Variants in SLC9A7 observed in about 807,000 individuals in gnomAD.
SLC9A7 encodes the protein sodium/hydrogen exchanger 7.
SLC9A7 carries 19 observed loss-of-function variants against 52.6 expected under a neutral mutation model. The ratio of observed to expected loss-of-function variants is 0.36; its 90% CI spans 0.25 to 0.53. SLC9A7 has a LOEUF of 0.53. SLC9A7 is among the 20% of genes least tolerant of loss of function. SLC9A7 has a pLI of 0.91. For synonymous variants in SLC9A7, 226 were observed against 252.1 expected (o/e 0.90, Z 0.98); for missense variants, 455 against 597.9 (o/e 0.76, Z 2.49).
intron 8 of SLC9A7, among the ~76,000 whole-genome samples, chrX:46,653,090 T>G (rs1943609691): frequency 8.9e-6 from 1 of 112,481 alleles, no homozygotes; most frequent in African/African-American, 3.2e-5. Flanking sequence ...TGATAAACTT[T>G]ATCATTAAAA....
At chrX:46,713,512 A>T (rs5952929) in intron 1 of SLC9A7, among the ~76,000 whole-genome samples, 6,027 of 105,599 alleles carry the variant, frequency 0.057, 419 homozygotes, top group African/African-American at 0.19. Flanking sequence ...AAAAAAAATT[A>T]AAAAAAAAAG....
chrX:46,656,603 A>G (rs1181270435), intron 7 of SLC9A7, among the ~76,000 whole-genome samples: 2 of 111,736 alleles, frequency 1.8e-5, no homozygotes, highest in East Asian at 5.6e-4. Flanking sequence ...GATGCGATCA[A>G]CTGGAAGAAA....
chrX:46,631,162 G>A (rs1463348458), intron 14 of SLC9A7, among the ~76,000 whole-genome samples: 1 of 112,575 alleles, frequency 8.9e-6, no homozygotes, highest in Admixed American at 9.3e-5. Flanking sequence ...GAGGATCCCA[G>A]GCCCTGGAGA....
intron 12 of SLC9A7, among the ~76,000 whole-genome samples, chrX:46,641,802 G>A (rs1380250118): frequency 8.9e-6 from 1 of 111,808 alleles, no homozygotes; most frequent in African/African-American, 3.3e-5. Flanking sequence ...TCCACTTAAA[G>A]CTCTGTGACC....
intron 5 of SLC9A7, among the ~76,000 whole-genome samples, chrX:46,668,723 A>G (rs373523426): frequency 1.2e-4 from 13 of 111,976 alleles, no homozygotes; most frequent in African/African-American, 4.2e-4. Flanking sequence ...ACAGAAAGTC[A>G]AAGGTAGCTG....
intron 3 of SLC9A7, among the ~76,000 whole-genome samples, chrX:46,674,330 T>C: frequency 8.9e-6 from 1 of 112,307 alleles, no homozygotes; most frequent in Non-Finnish European, 1.9e-5. Flanking sequence ...CTATTACCCA[T>C]CTCCCGTTCA....
At chrX:46,747,187 T>C (rs994956574) in intron 1 of SLC9A7, among the ~76,000 whole-genome samples, 5 of 111,913 alleles carry the variant, frequency 4.5e-5, no homozygotes, top group African/African-American at 1.6e-4. Flanking sequence ...AGTACACATA[T>C]ACAGTTTGGT....
At chrX:46,675,061 A>ATGTGTGTGTGTGTGTGTGTGTGTGTG (rs397895552) in intron 3 of SLC9A7, among the ~76,000 whole-genome samples, 1 of 68,863 alleles carries the variant, frequency 1.5e-5, no homozygotes, top group Non-Finnish European at 3.0e-5. Flanking sequence ...GAGAGAGTGA[A>ATGTGTGTGTGTGTGTGTGTGTGTGTG]TGTGTGTGTG....
rs1012365252 is a variant in SLC9A7 at position 46,709,613 on chromosome X, C to CA, written c.326-27079dup. On this transcript the variant is annotated intron_variant, in intron 1 of 16. Coordinates refer to ENST00000616978, the MANE Select transcript of SLC9A7 (RefSeq NM_001257291.2). ...ATGTTACCTAAAATAACAACAACAA[C>CA]AAAAAAAAACCCTACTGTATGTATA... Among the ~76,000 whole-genome samples, 245 of 108,702 alleles carry CA rather than the reference C, an allele frequency of 2.3e-3. 2 individuals carry two copies. The highest frequency in any genetic ancestry group is 5.7e-3 in the African/African-American group (169 of 29,909). 94.4% of individuals were successfully genotyped at this position (108,702 alleles called of 115,157 possible).
At chrX:46,731,823 T>C (rs1303110501) in intron 1 of SLC9A7, among the ~76,000 whole-genome samples, 1 of 108,513 alleles carries the variant, frequency 9.2e-6, no homozygotes, top group African/African-American at 3.4e-5. Context: ...GGAAAAAAAA[T>C]AGACAAAGAA....
chrX:46,710,385 C>A (rs1944668970), intron 1 of SLC9A7, among the ~76,000 whole-genome samples: 1 of 111,823 alleles, frequency 8.9e-6, no homozygotes, highest in African/African-American at 3.3e-5. Flanking sequence ...ACAGTGAGGG[C>A]CCCCATAGAT....
At chrX:46,625,380 C>G (rs1392798621) in intron 14 of SLC9A7, among the ~76,000 whole-genome samples, 1 of 109,985 alleles carries the variant, frequency 9.1e-6, no homozygotes, top group African/African-American at 3.3e-5. Context: ...TAAGGTTATC[C>G]AGGTAGGCCC....
intron 14 of SLC9A7, among the ~76,000 whole-genome samples, chrX:46,631,195 T>C (rs902443174): frequency 1.8e-5 from 2 of 112,636 alleles, no homozygotes; most frequent in African/African-American, 6.5e-5. Context: ...TTCAGGCACC[T>C]GATGTCTCTC....
At chrX:46,737,559 C>T (rs1387353701) in intron 1 of SLC9A7, among the ~76,000 whole-genome samples, 2 of 111,961 alleles carry the variant, frequency 1.8e-5, no homozygotes, top group Non-Finnish European at 3.8e-5. Context: ...GTAATGATGA[C>T]AGCTCTGCAT....
intron 1 of SLC9A7, among the ~76,000 whole-genome samples, chrX:46,702,865 A>T (rs778953643): frequency 1.8e-5 from 2 of 112,493 alleles, no homozygotes; most frequent in East Asian, 5.6e-4. Context: ...ACTGCTTTCC[A>T]CAGTGGCTGA....
intron 4 of SLC9A7, among the ~76,000 whole-genome samples, chrX:46,670,819 T>C (rs761620723): frequency 8.9e-6 from 1 of 112,212 alleles, no homozygotes; most frequent in South Asian, 3.7e-4. Flanking sequence ...GAATTGTATG[T>C]TACAGATTTG....
At chrX:46,680,606 T>G (rs970228636) in intron 2 of SLC9A7, among the ~76,000 whole-genome samples, 1 of 111,564 alleles carries the variant, frequency 9.0e-6, no homozygotes, top group Non-Finnish European at 1.9e-5. Context: ...GAACTGAAAT[T>G]TCTTGTAGGT....
chrX:46,663,667 A>T (rs773780641), intron 5 of SLC9A7, among the ~76,000 whole-genome samples: 1 of 91,909 alleles, frequency 1.1e-5, no homozygotes, highest in Admixed American at 1.2e-4. Flanking sequence ...AAGGAAAGAA[A>T]GAAAAAAAAA....
chrX:46,729,865 T>C (rs1945000902), intron 1 of SLC9A7, among the ~76,000 whole-genome samples: 1 of 112,267 alleles, frequency 8.9e-6, no homozygotes, highest in African/African-American at 3.2e-5. Context: ...TTTAATAAAA[T>C]TGCAATAATA....
Sources: gnomAD v4.1 joint callset for allele counts (sites outside exome capture counted in the v4.1 genomes callset) on GRCh38, gnomAD v4.1.1 for gene constraint, MANE v1.5 for transcripts, NCBI Gene and HGNC (gene_info 2026-07-23, HGNC 2026-07-21) for gene names.